Variants in DMD observed in about 807,000 individuals in gnomAD.
The protein encoded by DMD is mutant dystrophin.
DMD carries 63 observed loss-of-function variants against 330.1 expected under a neutral mutation model. The ratio of observed to expected loss-of-function variants is 0.19; its 90% CI spans 0.16 to 0.24. The LOEUF is 0.24. Ranked by LOEUF, DMD falls within the 10% of genes least tolerant of loss-of-function variation. The pLI is 1.00. For synonymous variants in DMD, 1,223 were observed against 959.8 expected (o/e 1.27, Z -5.07); for missense variants, 3,344 against 2,684.1 (o/e 1.25, Z -5.43).
chrX:31,853,035 C>A (rs1228090731), intron 48 of DMD, among the ~76,000 whole-genome samples: 1 of 112,079 alleles, frequency 8.9e-6, no homozygotes, highest in African/African-American at 3.2e-5. Flanking sequence ...AGGCATGCAC[C>A]ACCAAGCCTG....
intron 55 of DMD, among the ~76,000 whole-genome samples, chrX:31,552,762 G>C (rs1030102298): frequency 2.7e-5 from 3 of 111,769 alleles, no homozygotes; most frequent in Non-Finnish European, 5.6e-5. Flanking sequence ...ACATGGGTTT[G>C]AGTCTCATTT....
chrX:32,357,364 T>C (rs764594731), intron 37 of DMD, among the ~76,000 whole-genome samples: 16 of 111,268 alleles, frequency 1.4e-4, no homozygotes, highest in Non-Finnish European at 3.0e-4. Context: ...AGCATCAATC[T>C]GACCTAGAAA....
intron 25 of DMD, among the ~76,000 whole-genome samples, chrX:32,461,108 T>C (rs1339613179): frequency 1.8e-5 from 2 of 111,720 alleles, no homozygotes; most frequent in African/African-American, 6.5e-5. Flanking sequence ...TTGGACAATT[T>C]TGTTTCAAAT....
At chrX:32,475,338 G>A (rs183621202) in intron 21 of DMD, among the ~76,000 whole-genome samples, 1 of 110,944 alleles carries the variant, frequency 9.0e-6, no homozygotes, top group East Asian at 2.8e-4. Flanking sequence ...GGCTGTGCAG[G>A]CTCCTTTTTG....
intron 44 of DMD, among the ~76,000 whole-genome samples, chrX:32,189,761 TGGGTG>T (rs1315278371): frequency 9.9e-5 from 11 of 111,116 alleles, no homozygotes; most frequent in Non-Finnish European, 1.5e-4. Flanking sequence ...AAAGGTCACG[TGGGTG>T]GCAAATATCT....
chrX:31,850,492 C>T (rs1283200518), intron 48 of DMD, among the ~76,000 whole-genome samples: 1 of 111,799 alleles, frequency 8.9e-6, no homozygotes, highest in East Asian at 2.8e-4. Flanking sequence ...TACCTTTGAC[C>T]AATAGACCAT....
intron 1 of DMD, among the ~76,000 whole-genome samples, chrX:33,299,833 T>C (rs934898533): frequency 5.4e-5 from 6 of 112,004 alleles, no homozygotes; most frequent in Non-Finnish European, 7.5e-5. Flanking sequence ...GAATTTTGAC[T>C]CTCTCCACTT....
intron 43 of DMD, among the ~76,000 whole-genome samples, chrX:32,261,097 T>A (rs2097321503): frequency 8.9e-6 from 1 of 111,817 alleles, no homozygotes. Flanking sequence ...ATCAGTCCAG[T>A]CTCTGCCCGG....
intron 2 of DMD, among the ~76,000 whole-genome samples, chrX:32,956,862 A>G (rs1474473180): frequency 9.0e-6 from 1 of 111,514 alleles, no homozygotes; most frequent in African/African-American, 3.3e-5. Flanking sequence ...CACTACTTCC[A>G]GATTAAGCTT....
chrX:32,042,134 TATAC>T (rs202117473), intron 44 of DMD, among the ~76,000 whole-genome samples: 2,135 of 91,584 alleles, frequency 0.023, 51 homozygotes, highest in Non-Finnish European at 0.034. Context: ...TGTATACATA[TATAC>T]ATACATATAT....
At chrX:32,549,947 G>C (rs2049359551) in intron 16 of DMD, among the ~76,000 whole-genome samples, 1 of 112,476 alleles carries the variant, frequency 8.9e-6, no homozygotes, top group Admixed American at 9.4e-5. Context: ...ACTGTCTCCA[G>C]TTTATTAGGA....
intron 67 of DMD, among the ~76,000 whole-genome samples, chrX:31,190,321 C>T (rs1291056084): frequency 1.8e-5 from 2 of 110,369 alleles, no homozygotes; most frequent in Non-Finnish European, 3.8e-5. Flanking sequence ...AGATGCTCAA[C>T]GCCAGAACTG....
chrX:33,075,590 C>T (rs753456574), intron 1 of DMD, among the ~76,000 whole-genome samples: 2 of 112,335 alleles, frequency 1.8e-5, no homozygotes, highest in South Asian at 7.4e-4. Context: ...TGTTTTATAG[C>T]AACAGCAAAT....
chrX:31,232,457 G>A (rs1231906226), intron 63 of DMD, among the ~76,000 whole-genome samples: 2 of 111,948 alleles, frequency 1.8e-5, no homozygotes, highest in African/African-American at 6.5e-5. Context: ...AAAATGACCT[G>A]CTGGTAACCA....
intron 50 of DMD, among the ~76,000 whole-genome samples, chrX:31,780,287 CTT>C (rs1186434361): frequency 8.9e-6 from 1 of 112,039 alleles, no homozygotes; most frequent in Non-Finnish European, 1.9e-5. Flanking sequence ...ATGTGGGTAA[CTT>C]TTTTTGTTTG....
At chrX:32,831,137 T>C (rs972608786) in intron 4 of DMD, among the ~76,000 whole-genome samples, 1 of 110,853 alleles carries the variant, frequency 9.0e-6, no homozygotes, top group African/African-American at 3.3e-5. Flanking sequence ...CTCTACCTCC[T>C]AAATGACTGG....
chrX:31,213,732 T>C (rs919155510), intron 64 of DMD, among the ~76,000 whole-genome samples: 5 of 112,107 alleles, frequency 4.5e-5, no homozygotes, highest in African/African-American at 1.3e-4. Flanking sequence ...TCTTTAGCAA[T>C]TGAACCCTGT....
intron 63 of DMD, among the ~76,000 whole-genome samples, chrX:31,240,369 T>C (rs2048127926): frequency 8.9e-6 from 1 of 112,205 alleles, no homozygotes; most frequent in South Asian, 3.7e-4. Flanking sequence ...GTTAATTGTC[T>C]CTAGGAAGTA....
chrX:31,851,957 A>T (rs1483053440), intron 48 of DMD, among the ~76,000 whole-genome samples: 1 of 111,177 alleles, frequency 9.0e-6, no homozygotes, highest in Admixed American at 9.6e-5. Flanking sequence ...GTGCAGAGAC[A>T]GCAAGTGCAA....
Sources: allele counts gnomAD v4.1 joint callset (sites outside exome capture counted in the v4.1 genomes callset), GRCh38; gene constraint gnomAD v4.1.1; transcripts MANE v1.5; gene names NCBI Gene and HGNC (gene_info 2026-07-23, HGNC 2026-07-21).